The following CNTNAP2 variants were observed in gnomAD, a reference collection of about 807,000 sequenced individuals.
CNTNAP2 encodes the protein contactin-associated protein-like 2.
Under a neutral mutation model 155.2 loss-of-function variants are expected in CNTNAP2, and 98 were observed. The observed-to-expected ratio is 0.63, with a 90% confidence interval of 0.54 to 0.75. The LOEUF (loss-of-function observed/expected upper bound fraction) is 0.75. Ranked by LOEUF, CNTNAP2 falls within the 30% of genes least tolerant of loss-of-function variation. CNTNAP2 has a pLI of 0.00. For missense variants in CNTNAP2, 1,727 were observed against 1,688.1 expected (o/e 1.02, Z -0.40); for synonymous variants, 651 against 631.2 (o/e 1.03, Z -0.47).
At chr7:147,884,881 G>C (rs185177452) in intron 13 of CNTNAP2, among the ~76,000 whole-genome samples, 2 of 150,662 alleles carry the variant, frequency 1.3e-5, no homozygotes, top group East Asian at 4.0e-4. Flanking sequence ...AATAATGTGT[G>C]ACTCTGCCAG....
intron 13 of CNTNAP2, among the ~76,000 whole-genome samples, chr7:147,748,517 A>G (rs1018050445): frequency 1.5e-4 from 23 of 152,224 alleles, no homozygotes; most frequent in African/African-American, 5.5e-4. Flanking sequence ...GTTTCATAAA[A>G]TTAAGAAGTC....
chr7:146,327,045 G>A (rs1029771893), intron 1 of CNTNAP2, among the ~76,000 whole-genome samples: 4 of 152,036 alleles, frequency 2.6e-5, no homozygotes, highest in African/African-American at 4.8e-5. Context: ...ATTTTATACT[G>A]CAAGTAGTAA....
In CNTNAP2 at chr7:146,567,807, G is replaced by A. The variant is rs191917112; in HGVS notation, c.98-206464G>A. On this transcript the variant is annotated intron_variant, in intron 1 of 23. Coordinates refer to ENST00000361727, the MANE Select transcript of CNTNAP2 (RefSeq NM_014141.6). The stretch of plus-strand genomic sequence containing the variant: ...GCGATCTCGGCTCACTGCAAGCTCC[G>A]CCTCCCGGGTTCAGGCCATTCTCCT... Among the ~76,000 whole-genome samples the A allele has an allele frequency of 4.6e-3, 701 of 152,156 alleles. 5 individuals are homozygous for A. The highest frequency in any genetic ancestry group is 0.016 in the African/African-American group (653 of 41,516).
intron 13 of CNTNAP2, among the ~76,000 whole-genome samples, chr7:147,852,562 T>C (rs1445172205): frequency 6.6e-6 from 1 of 152,238 alleles, no homozygotes; most frequent in Non-Finnish European, 1.5e-5. Flanking sequence ...GAGTAGACTA[T>C]ACAAAGCCTT....
At chr7:147,354,385 A>C (rs1342437809) in intron 9 of CNTNAP2, among the ~76,000 whole-genome samples, 2 of 152,140 alleles carry the variant, frequency 1.3e-5, no homozygotes, top group Non-Finnish European at 2.9e-5. Context: ...CTATTTATTA[A>C]ATAGGGAATC....
chr7:147,409,463 T>C lies in CNTNAP2; in HGVS notation c.1670+13683T>C, dbSNP rs151262429. Among the ~76,000 whole-genome samples, 105 of 152,152 alleles carry C rather than the reference T, an allele frequency of 6.9e-4. 1 individual carries two copies. Among genetic ancestry groups the C allele is most frequent in the Admixed American group, 1.3e-3 (20 of 15,284 alleles). Reference sequence around the variant, plus strand: ...TATAAACACTTTGCAATACAACATATGCAGTACCATTCAGGACATAGGCAT... The same window carrying C: ...TATAAACACTTTGCAATACAACATACGCAGTACCATTCAGGACATAGGCAT... On this transcript the variant is annotated intron_variant, in intron 10 of 23. Transcript: ENST00000361727.
At chr7:146,415,703 T>A (rs11974853) in intron 1 of CNTNAP2, among the ~76,000 whole-genome samples, 43 of 150,738 alleles carry the variant, frequency 2.9e-4, no homozygotes, top group South Asian at 6.2e-4. Context: ...TAAAAAAATT[T>A]AAAAAAAATT....
intron 3 of CNTNAP2, among the ~76,000 whole-genome samples, chr7:146,850,024 T>C (rs1002731053): frequency 6.6e-6 from 1 of 152,198 alleles, no homozygotes; most frequent in African/African-American, 2.4e-5. Context: ...TTAGTCAGTG[T>C]TGACTTTGGG....
intron 12 of CNTNAP2, among the ~76,000 whole-genome samples, chr7:147,596,177 T>C (rs1309572612): frequency 6.6e-6 from 1 of 152,208 alleles, no homozygotes; most frequent in Non-Finnish European, 1.5e-5. Context: ...TGTTCTTTCA[T>C]TATTCATTTA....
chr7:148,125,228 G>GTCTCTTTC (rs900690578), intron 16 of CNTNAP2, among the ~76,000 whole-genome samples: 3 of 151,858 alleles, frequency 2.0e-5, no homozygotes, highest in African/African-American at 7.3e-5. Context: ...ATCTCTCTCT[G>GTCTCTTTC]TCTCTTTCTC....
chr7:147,498,936 A>G (rs1368089773), intron 11 of CNTNAP2, among the ~76,000 whole-genome samples: 1 of 147,540 alleles, frequency 6.8e-6, no homozygotes, highest in African/African-American at 2.5e-5. Flanking sequence ...CATCAGTTTC[A>G]CATGTGGTAA....
chr7:148,253,322 TC>T (rs1796403340), intron 20 of CNTNAP2, among the ~76,000 whole-genome samples: 1 of 152,176 alleles, frequency 6.6e-6, no homozygotes, highest in Admixed American at 6.5e-5. Context: ...GGTTTATTAT[TC>T]CTCCTTCAAA....
At chr7:146,858,964 T>C (rs1795045121) in intron 3 of CNTNAP2, among the ~76,000 whole-genome samples, 1 of 152,198 alleles carries the variant, frequency 6.6e-6, no homozygotes, top group Non-Finnish European at 1.5e-5. Flanking sequence ...GAAATGATAA[T>C]GTAAGGGTTT....
At chr7:147,316,409 G>T (rs1223548920) in intron 9 of CNTNAP2, among the ~76,000 whole-genome samples, 1 of 152,088 alleles carries the variant, frequency 6.6e-6, no homozygotes, top group Non-Finnish European at 1.5e-5. Context: ...ATAATGATGT[G>T]AGGTTAGCAT....
chr7:146,657,833 C>T (rs1169287461), intron 1 of CNTNAP2, among the ~76,000 whole-genome samples: 1 of 151,708 alleles, frequency 6.6e-6, no homozygotes, highest in Non-Finnish European at 1.5e-5. Context: ...TGCAAAATAG[C>T]TAGGAATTTT....
chr7:148,342,671 A>G (rs1585290951), intron 21 of CNTNAP2, among the ~76,000 whole-genome samples: 2 of 152,354 alleles, frequency 1.3e-5, no homozygotes, highest in East Asian at 3.9e-4. Context: ...TTGGACAGGG[A>G]CTGCATTAAA....
At chr7:146,661,550 C>T (rs1295274705) in intron 1 of CNTNAP2, among the ~76,000 whole-genome samples, 1 of 136,002 alleles carries the variant, frequency 7.4e-6, no homozygotes, top group Non-Finnish European at 1.6e-5. Context: ...GCTATTTCTG[C>T]TTCTTTCATT....
At chr7:146,825,399 G>C (rs901936587) in intron 2 of CNTNAP2, among the ~76,000 whole-genome samples, 1 of 152,122 alleles carries the variant, frequency 6.6e-6, no homozygotes, top group African/African-American at 2.4e-5. Context: ...AATAAGTAAT[G>C]TGTGTAGCAA....
At chr7:146,595,821 C>G (rs778393035) in intron 1 of CNTNAP2, among the ~76,000 whole-genome samples, 1 of 151,974 alleles carries the variant, frequency 6.6e-6, no homozygotes, top group Non-Finnish European at 1.5e-5. Flanking sequence ...AGCTAGGGCT[C>G]GAACCTGGTT....
Sources: gnomAD v4.1 joint callset for allele counts (sites outside exome capture counted in the v4.1 genomes callset) on GRCh38, gnomAD v4.1.1 for gene constraint, MANE v1.5 for transcripts, NCBI Gene and HGNC (gene_info 2026-07-23, HGNC 2026-07-21) for gene names.